CTNNA3: variants seen among roughly 807,000 people sequenced by gnomAD.
CTNNA3 encodes the protein catenin alpha-3.
CTNNA3 carries 76 observed loss-of-function variants against 95.7 expected under a neutral mutation model. The observed-to-expected ratio is 0.79, with a 90% CI of 0.66 to 0.96. The LOEUF (loss-of-function observed/expected upper bound fraction) is 0.96. CTNNA3 is among the 40% of genes least tolerant of loss of function. CTNNA3 has a pLI of 0.00. For missense variants in CTNNA3, 1,191 were observed against 1,089.8 expected (o/e 1.09, Z -1.31); for synonymous variants, 431 against 374.4 (o/e 1.15, Z -1.74).
At chr10:66,157,406 T>C (rs1157104142) in intron 13 of CTNNA3, among the ~76,000 whole-genome samples, 2 of 143,948 alleles carry the variant, frequency 1.4e-5, no homozygotes, top group East Asian at 2.1e-4. Context: ...TATTCTATCA[T>C]AGATAGGTAG....
rs551807781 is a variant in CTNNA3 at position 67,684,502 on chromosome 10, G to A, written c.-6+11498C>T. ...CCCCACCCAACCCAGAAGCCCAGCC[G>A]GCTTCATCTCTCAATCCCCCCTCTA... On this transcript the variant is annotated intron_variant, in intron 1 of 17. Transcript: ENST00000433211. Among the ~76,000 whole-genome samples, 20 of 152,218 alleles carry A rather than the reference G, an allele frequency of 1.3e-4. No individual in the cohort carries two copies. In the South Asian group the frequency reaches 1.9e-3, roughly 14 times the overall value.
At chr10:67,703,831 A>G (rs1211691394) in intron 1 of CTNNA3, among the ~76,000 whole-genome samples, 1 of 152,252 alleles carries the variant, frequency 6.6e-6, no homozygotes, top group Non-Finnish European at 1.5e-5. Flanking sequence ...AGAGGAAGTC[A>G]AATTGTCCCT....
intron 6 of CTNNA3, among the ~76,000 whole-genome samples, chr10:67,207,516 C>T (rs1863956096): frequency 6.6e-6 from 1 of 152,150 alleles, no homozygotes; most frequent in Non-Finnish European, 1.5e-5. Flanking sequence ...AGCTTAAGAA[C>T]CTCTGTGGGA....
chr10:67,412,732 C>T (rs1216791521), intron 5 of CTNNA3, among the ~76,000 whole-genome samples: 1 of 151,970 alleles, frequency 6.6e-6, no homozygotes. Context: ...AAATTCCAAC[C>T]AAAAATTTTT....
At chr10:67,201,413 G>C (rs1044391755) in intron 6 of CTNNA3, among the ~76,000 whole-genome samples, 18 of 152,012 alleles carry the variant, frequency 1.2e-4, no homozygotes, top group African/African-American at 3.6e-4. Context: ...AGTAGGCTTG[G>C]AGAGGAGTCA....
intron 11 of CTNNA3, among the ~76,000 whole-genome samples, chr10:66,481,279 T>C (rs547915386): frequency 6.6e-6 from 1 of 152,198 alleles, no homozygotes; most frequent in Non-Finnish European, 1.5e-5. Flanking sequence ...AATGCAAGTT[T>C]CCCATTAATT....
intron 5 of CTNNA3, among the ~76,000 whole-genome samples, chr10:67,318,735 T>C (rs1841176227): frequency 6.6e-6 from 1 of 152,236 alleles, no homozygotes; most frequent in South Asian, 2.1e-4. Context: ...AATGTTGCCT[T>C]CTCAGTGAAG....
At chr10:66,178,545 A>G (rs1227179560) in intron 13 of CTNNA3, among the ~76,000 whole-genome samples, 1 of 150,420 alleles carries the variant, frequency 6.6e-6, no homozygotes. Context: ...TATATACCAT[A>G]AAAGGAAAAA....
intron 7 of CTNNA3, among the ~76,000 whole-genome samples, chr10:66,920,328 G>A (rs1846723860): frequency 6.6e-6 from 1 of 152,208 alleles, no homozygotes; most frequent in Admixed American, 6.5e-5. Context: ...ACCCAAAGAA[G>A]TTTGCACAGA....
chr10:66,488,144 C>G (rs1004210879), intron 11 of CTNNA3, among the ~76,000 whole-genome samples: 2 of 152,182 alleles, frequency 1.3e-5, no homozygotes, highest in African/African-American at 4.8e-5. Context: ...CTTATACAAT[C>G]TTTCTATAAA....
chr10:67,092,376 G>C (rs1287444263), intron 7 of CTNNA3, among the ~76,000 whole-genome samples: 1 of 151,928 alleles, frequency 6.6e-6, no homozygotes, highest in Non-Finnish European at 1.5e-5. Context: ...GAGAATTCTA[G>C]AGAAGGAAAA....
At chr10:65,942,310 A>C (rs192136430) in intron 17 of CTNNA3, among the ~76,000 whole-genome samples, 2 of 152,084 alleles carry the variant, frequency 1.3e-5, no homozygotes, top group African/African-American at 4.8e-5. Context: ...GGGCAGATCA[A>C]GAAGTCAAGA....
At chr10:67,401,345 C>T (rs1037031655) in intron 5 of CTNNA3, among the ~76,000 whole-genome samples, 1 of 152,124 alleles carries the variant, frequency 6.6e-6, no homozygotes, top group Non-Finnish European at 1.5e-5. Flanking sequence ...CAGAAATTGC[C>T]ACTCCCACAG....
At chr10:66,202,243 G>T (rs1251059285) in intron 13 of CTNNA3, among the ~76,000 whole-genome samples, 1 of 152,074 alleles carries the variant, frequency 6.6e-6, no homozygotes, top group African/African-American at 2.4e-5. Context: ...GTTAAATCAA[G>T]TTCAGGCTAA....
intron 11 of CTNNA3, among the ~76,000 whole-genome samples, chr10:66,400,407 A>G (rs2456742): frequency 0.65 from 98,263 of 151,914 alleles, 33,398 homozygotes; most frequent in East Asian, 0.88. Flanking sequence ...TTTGAAGAGC[A>G]TATATTATAA....
intron 7 of CTNNA3, among the ~76,000 whole-genome samples, chr10:67,110,555 A>G (rs1858869128): frequency 1.3e-5 from 2 of 152,140 alleles, no homozygotes; most frequent in Admixed American, 1.3e-4. Context: ...TGCTGATTGA[A>G]AATTCCAGGT....
At chr10:66,590,741 T>C (rs1183899176) in intron 10 of CTNNA3, among the ~76,000 whole-genome samples, 1 of 152,040 alleles carries the variant, frequency 6.6e-6, no homozygotes, top group Non-Finnish European at 1.5e-5. Context: ...AAAAATACTT[T>C]TCAGTAGTTC....
chr10:67,315,965 T>C (rs1245829664), intron 5 of CTNNA3, among the ~76,000 whole-genome samples: 61 of 152,154 alleles, frequency 4.0e-4, no homozygotes, highest in Admixed American at 4.0e-3. Flanking sequence ...AATTGACTCC[T>C]AATAAATAGT....
intron 2 of CTNNA3, among the ~76,000 whole-genome samples, chr10:67,621,833 G>A (rs373118559): frequency 4.0e-5 from 6 of 151,798 alleles, no homozygotes; most frequent in East Asian, 1.9e-4. Context: ...ATTTTACATC[G>A]TAGGAGCCAA....
Sources: gnomAD v4.1 joint callset for allele counts (sites outside exome capture counted in the v4.1 genomes callset) on GRCh38, gnomAD v4.1.1 for gene constraint, MANE v1.5 for transcripts, NCBI Gene and HGNC (gene_info 2026-07-23, HGNC 2026-07-21) for gene names.